Variants in AZIN2 observed in about 807,000 individuals in gnomAD.
AZIN2 encodes ODC antizyme inhibitor-2.
A neutral mutation model predicts 47.8 loss-of-function variants in AZIN2; 28 were observed. The ratio of observed to expected loss-of-function variants is 0.59; its 90% CI spans 0.43 to 0.80. AZIN2 has a LOEUF of 0.80. Among genes scored for constraint, AZIN2 ranks in the 30% least tolerant of loss-of-function variants. The probability of loss-of-function intolerance (pLI) is 0.00; values close to 1 mark genes in which losing one functional copy is unlikely to be tolerated. For missense variants in AZIN2, 535 were observed against 582.5 expected, an observed-to-expected ratio of 0.92 and a Z score of 0.84; for synonymous variants, 221 against 239.4, an observed-to-expected ratio of 0.92 and a Z score of 0.71.
chr1:33,155,578 T>A, the AZIN2 span, among the ~76,000 whole-genome samples: 1 of 152,160 alleles, frequency 6.6e-6, no homozygotes, highest in African/African-American at 2.4e-5. Flanking sequence ...GGGCACAGGC[T>A]CTGGGGCCCG....
chr1:33,151,266 C>T, the AZIN2 span, among the ~76,000 whole-genome samples: 21 of 152,064 alleles, frequency 1.4e-4, no homozygotes, highest in Non-Finnish European at 2.2e-4. Flanking sequence ...AGGATGGGTA[C>T]AGGGCCTGCC....
chr1:33,125,074 A>T (rs1644847409), downstream of AZIN2, among the ~76,000 whole-genome samples: 1 of 152,194 alleles, frequency 6.6e-6, no homozygotes, highest in African/African-American at 2.4e-5. Context: ...AGGAGGTCAG[A>T]GAGACGCAAG....
Position 33,084,043 on chromosome 1 carries a change from C to T in AZIN2, c.195C>T (p.Pro65=), listed in dbSNP as rs758684160. 6.2e-7 allele frequency: 1 copy of T among 1,614,026 alleles called. No homozygotes were observed. Among genetic ancestry groups the T allele is most frequent in the Admixed American group, 1.7e-5 (1 of 60,010 alleles). ...TGAAGTGCCTGCCACGAGTCCGGCCCTTTTATGCTGTCAAGTGCAACAGCA... is the reference window on the plus strand; with the variant it reads ...TGAAGTGCCTGCCACGAGTCCGGCCTTTTTATGCTGTCAAGTGCAACAGCA... ...CFLKCLPRVR[P]FYAVKCNSSP... The change falls in exon 5 of 12, where the codon CCC becomes CCT. Residue 65 remains proline, a synonymous_variant. Coordinates refer to ENST00000294517, the MANE Select transcript of AZIN2 (RefSeq NM_052998.4).
intron 10 of AZIN2, among the ~76,000 whole-genome samples, chr1:33,112,322 A>G (rs1336401901): frequency 1.3e-5 from 2 of 152,226 alleles, no homozygotes; most frequent in Non-Finnish European, 2.9e-5. Context: ...CAGAACATAT[A>G]TATCTTTATA....
chr1:33,157,419 T>A, the AZIN2 span, among the ~76,000 whole-genome samples: 1 of 152,068 alleles, frequency 6.6e-6, no homozygotes, highest in Admixed American at 6.5e-5. Context: ...TAATGCTTCC[T>A]TCTCAGTGCG....
At chr1:33,117,530 G>A (rs1644604640) in intron 10 of AZIN2, among the ~76,000 whole-genome samples, 1 of 152,204 alleles carries the variant, frequency 6.6e-6, no homozygotes, top group South Asian at 2.1e-4. Context: ...CACCCTCGCC[G>A]TGTGCCGCCA....
chr1:33,159,900 C>T, the AZIN2 span: 1 of 1,609,460 alleles, frequency 6.2e-7, no homozygotes, highest in East Asian at 2.2e-5. The surrounding 1 kb of genome is among the most constrained non-coding windows in gnomAD (Gnocchi z 4.2). Context: ...GGTGCAGCCG[C>T]TCGAAGGCCT....
At chr1:33,103,447 T>C (rs1402178805) in intron 10 of AZIN2, among the ~76,000 whole-genome samples, 1 of 152,162 alleles carries the variant, frequency 6.6e-6, no homozygotes, top group African/African-American at 2.4e-5. Context: ...CTGAGACAGC[T>C]GCTGTATTCT....
At chr1:33,102,023 C>A (rs1044392626) in intron 10 of AZIN2, 4 of 637,904 alleles carry the variant, frequency 6.3e-6, no homozygotes, top group Non-Finnish European at 1.2e-5. Context: ...GATGAGTGAG[C>A]AAGGAGTGGA....
the AZIN2 span, chr1:33,145,875 T>C: frequency 6.4e-6 from 3 of 471,008 alleles, no homozygotes; most frequent in Non-Finnish European, 1.3e-5. Context: ...AAATGACATT[T>C]CCCAGACTCC....
chr1:33,155,795 G>T, the AZIN2 span, among the ~76,000 whole-genome samples: 2 of 152,236 alleles, frequency 1.3e-5, no homozygotes, highest in African/African-American at 4.8e-5. Flanking sequence ...TCTGCTGCCA[G>T]TCAGTTTGAA....
downstream of AZIN2, among the ~76,000 whole-genome samples, chr1:33,125,219 A>G (rs1447249396): frequency 1.3e-5 from 2 of 152,226 alleles, no homozygotes; most frequent in African/African-American, 4.8e-5. Context: ...GCAAGAGGAC[A>G]GGGGTTCCAC....
At chr1:33,137,185 C>T in the AZIN2 span, among the ~76,000 whole-genome samples, 1 of 152,054 alleles carries the variant, frequency 6.6e-6, no homozygotes, top group African/African-American at 2.4e-5. Flanking sequence ...GATCCCTACA[C>T]CCATCACAGG....
chr1:33,159,725 G>A, the AZIN2 span: 1 of 1,611,624 alleles, frequency 6.2e-7, no homozygotes, highest in Non-Finnish European at 8.5e-7. The surrounding 1 kb of genome is among the most constrained non-coding windows in gnomAD (Gnocchi z 4.2). Flanking sequence ...AGGAAGGTGT[G>A]CCGGTCGGTT....
intron 10 of AZIN2, among the ~76,000 whole-genome samples, chr1:33,109,409 A>G: frequency 6.6e-6 from 1 of 151,274 alleles, no homozygotes; most frequent in East Asian, 1.9e-4. Context: ...GCTCACTGCA[A>G]CCTTCGCCTC....
At chr1:33,099,913 G>T (rs1319266821) in intron 10 of AZIN2, among the ~76,000 whole-genome samples, 2 of 152,160 alleles carry the variant, frequency 1.3e-5, no homozygotes, top group East Asian at 3.9e-4. Flanking sequence ...GCCTGGCTGG[G>T]GGTATCCGTA....
chr1:33,123,381 C>T lies in AZIN2; in HGVS notation c.*3199C>T, dbSNP rs1392699292. ...GGAATAAACCTGATTTATTTTTTCA[C>T]TGCTGTGTCCTTATTACCTAGAACG... On this transcript the variant is annotated 3_prime_UTR_variant, in exon 12 of 12. Coordinates refer to ENST00000294517, the MANE Select transcript of AZIN2 (RefSeq NM_052998.4). 6.6e-6 allele frequency among the ~76,000 whole-genome samples: 1 copy of T among 152,216 alleles called. No homozygotes were observed. Among genetic ancestry groups the T allele is most frequent in the Non-Finnish European group, 1.5e-5 (1 of 68,030 alleles).
the AZIN2 span, among the ~76,000 whole-genome samples, chr1:33,141,402 C>T: frequency 2.0e-5 from 3 of 152,236 alleles, no homozygotes; most frequent in Non-Finnish European, 2.9e-5. Flanking sequence ...GAGTACTCAT[C>T]TCAGCTCCAC....
the AZIN2 span, among the ~76,000 whole-genome samples, chr1:33,136,209 CCCTT>C: frequency 6.9e-6 from 1 of 143,912 alleles, no homozygotes; most frequent in South Asian, 2.3e-4. Context: ...CTCCCTTTCT[CCCTT>C]CCTTCCCTCC....
Sources: gnomAD v4.1 joint callset for allele counts (sites outside exome capture counted in the v4.1 genomes callset) on GRCh38, gnomAD v4.1.1 for gene constraint, Gnocchi (gnomAD v3.1) non-coding constraint, MANE v1.5 for transcripts, NCBI Gene and HGNC (gene_info 2026-07-23, HGNC 2026-07-21) for gene names.